Variants in CC2D2B observed in about 807,000 individuals in gnomAD.
CC2D2B encodes coiled-coil and C2 domain containing 2B.
Under a neutral mutation model 161.2 loss-of-function variants are expected in CC2D2B, and 128 were observed. The ratio of observed to expected loss-of-function variants is 0.79; its 90% CI spans 0.69 to 0.92. CC2D2B has a LOEUF of 0.92. Among genes scored for constraint, CC2D2B ranks in the 40% least tolerant of loss-of-function variants. The pLI is 0.00. For synonymous variants in CC2D2B, 391 were observed against 449.8 expected, an observed-to-expected ratio of 0.87 and a Z score of 1.65; for missense variants, 1,173 against 1,375.1, an observed-to-expected ratio of 0.85 and a Z score of 2.32.
chr10:96,025,173 ATAT>A lies in CC2D2B; in HGVS notation c.3947+263_3947+265del, dbSNP rs1564683889. Among the ~76,000 whole-genome samples the A allele has an allele frequency of 3.6e-3, 100 of 27,448 alleles. 3 individuals are homozygous for A. The highest frequency in any genetic ancestry group is 0.019 in the Middle Eastern group (1 of 54). 18.0% of individuals were successfully genotyped at this position (27,448 alleles called of 152,430 possible). On this transcript the variant is annotated intron_variant, in intron 33 of 34. Coordinates refer to ENST00000646931, the MANE Select transcript of CC2D2B (RefSeq NM_001349008.3). ...AAAAAAAATATATATATATATATAT[ATAT>A]ATATATATAAAAAAAAATATATATA...
chr10:95,961,201 C>A (rs1159791145), intron 11 of CC2D2B, among the ~76,000 whole-genome samples: 1 of 152,136 alleles, frequency 6.6e-6, no homozygotes, highest in Non-Finnish European at 1.5e-5. Context: ...CTTTCTTCCA[C>A]CATTGCTCTT....
chr10:95,927,142 A>G (rs1174246393), intron 5 of CC2D2B, 95 bp from the exon 6 acceptor site: 1 of 647,654 alleles, frequency 1.5e-6, no homozygotes, highest in Non-Finnish European at 2.6e-6. Flanking sequence ...TGCTAGAGAG[A>G]TAACAATTAT....
chr10:95,944,257 CTAG>C (rs2076120867), intron 9 of CC2D2B, among the ~76,000 whole-genome samples: 1 of 152,110 alleles, frequency 6.6e-6, no homozygotes, highest in Non-Finnish European at 1.5e-5. Flanking sequence ...CCATGAGAGA[CTAG>C]CAATGTCTCT....
At chr10:96,021,238 A>G (rs1290923414) in intron 32 of CC2D2B, 1 of 152,254 alleles carries the variant, frequency 6.6e-6, no homozygotes, top group Non-Finnish European at 1.5e-5. Flanking sequence ...TGCCAATTCA[A>G]ACTTCTCAGT....
In CC2D2B at chr10:95,924,350, C is replaced by G; in HGVS notation, c.134C>G (p.Thr45Arg). 1 of 1,525,856 alleles carries G rather than the reference C, an allele frequency of 6.6e-7. No homozygotes were observed. The highest frequency in any genetic ancestry group is 1.4e-5 in the African/African-American group (1 of 71,678). 94.5% of individuals were successfully genotyped at this position (1,525,856 alleles called of 1,614,324 possible). A position where few individuals can be genotyped will look rare whatever the true frequency, so the allele number is the denominator to read the frequency against. The change falls in exon 4 of 35, where the codon ACA (threonine) becomes AGA (arginine). Residue 45 changes from threonine to arginine, a missense_variant. By Grantham distance (71) the Thr-to-Arg change is moderately conservative (BLOSUM62 -1). Transcript: ENST00000646931. ...DAEENQNVAK[T>R]LRGKVREKLK... The stretch of plus-strand genomic sequence containing the variant: ...GAAGAAAATCAAAATGTAGCAAAGA[C>G]ATTGAGAGGCAAAGTGAGAGAAAAG...
chr10:95,974,596 G>A (rs1305160160), intron 17 of CC2D2B, among the ~76,000 whole-genome samples: 3 of 152,150 alleles, frequency 2.0e-5, no homozygotes, highest in Non-Finnish European at 4.4e-5. Flanking sequence ...CTATGAAAAT[G>A]ATGATAATGC....
At chr10:95,972,557 G>A (rs771722607) in intron 16 of CC2D2B, among the ~76,000 whole-genome samples, 3 of 152,018 alleles carry the variant, frequency 2.0e-5, no homozygotes, top group Non-Finnish European at 4.4e-5. Flanking sequence ...CAGGTGATCC[G>A]CCCCCCTCAG....
chr10:96,027,338 T>G lies in CC2D2B; in HGVS notation c.4074T>G (p.Phe1358Leu), dbSNP rs1024672948. Residue 1358 changes from phenylalanine (F) to leucine (L), a missense_variant, in exon 34 of 35, where the codon TTT becomes TTG. Transcript: ENST00000646931. ...AGCTGGAATTTGGCATAGGAAGCTT[T>G]GTTTCATCTGAAGGAGATAATGAAT... ...LPKLEFGIGSFVSSEGDNEFE... is the reference protein window; with the variant it reads ...LPKLEFGIGSLVSSEGDNEFE... 3.9e-6 allele frequency: 6 copies of G among 1,551,024 alleles called. No homozygotes were observed. Among genetic ancestry groups the G allele is most frequent in the Non-Finnish European group, 5.2e-6 (6 of 1,146,716 alleles).
intron 24 of CC2D2B, chr10:95,999,865 T>G (rs1380491136): frequency 6.1e-6 from 3 of 489,716 alleles, no homozygotes; most frequent in African/African-American, 5.9e-5. Flanking sequence ...TGAAGCAGGC[T>G]GGCACTTCAG....
At chr10:95,957,054 GTCAATGTCAGCTC>G (rs2076590290) in intron 11 of CC2D2B, among the ~76,000 whole-genome samples, 1 of 152,058 alleles carries the variant, frequency 6.6e-6, no homozygotes. Flanking sequence ...GTTAATTTTG[GTCAATGTCAGCTC>G]TTAGCACAGT....
Position 95,927,353 on chromosome 10 carries a change from T to C in CC2D2B, c.336+21T>C, listed in dbSNP as rs779741086. 5.6e-6 allele frequency: 7 copies of C among 1,253,966 alleles called. No individual in the cohort carries two copies. The African/African-American group carries it at 1.0e-4, about 19-fold the overall frequency. 77.7% of individuals were successfully genotyped at this position (1,253,966 alleles called of 1,614,324 possible). A position where few individuals can be genotyped will look rare whatever the true frequency, so the allele number is the denominator to read the frequency against. On this transcript the variant is annotated intron_variant, in intron 6 of 34. Transcript: ENST00000646931. ...AGCAGGTTGGATTTGTTTGCCTCCC[T>C]CCCACCATCTCACTCTCAGGAAAAA...
chr10:95,920,086 G>T (rs1455762646), intron 2 of CC2D2B: 1 of 152,082 alleles, frequency 6.6e-6, no homozygotes, highest in African/African-American at 2.4e-5. Context: ...CCCAGGATGG[G>T]TCTAGAAATG....
At chr10:95,952,155 A>G (rs2076422879) in intron 10 of CC2D2B, among the ~76,000 whole-genome samples, 3 of 152,212 alleles carry the variant, frequency 2.0e-5, no homozygotes, top group Admixed American at 2.0e-4. Flanking sequence ...TTTCAAACCA[A>G]TTCAGAGTAG....
At chr10:95,928,517 G>T (rs193275634) in intron 6 of CC2D2B, among the ~76,000 whole-genome samples, 1 of 152,068 alleles carries the variant, frequency 6.6e-6, no homozygotes, top group Non-Finnish European at 1.5e-5. Flanking sequence ...CCATCAACCC[G>T]TCATCTACAT....
At chr10:95,990,419 G>A (rs1472450679) in intron 20 of CC2D2B, among the ~76,000 whole-genome samples, 1 of 152,112 alleles carries the variant, frequency 6.6e-6, no homozygotes, top group Non-Finnish European at 1.5e-5. Context: ...GGAACCCAGC[G>A]TAGAAAACTT....
Position 96,015,588 on chromosome 10 carries a change from C to T in CC2D2B, c.3517-613C>T, listed in dbSNP as rs146089785. 9.2e-3 allele frequency among the ~76,000 whole-genome samples: 1,403 copies of T among 152,092 alleles called. 16 individuals are homozygous for T. Among genetic ancestry groups the T allele is most frequent in the Non-Finnish European group, 0.011 (750 of 67,982 alleles). ...TAGACTAGAACTAAGTCATAGACCA[C>T]CAGTTGGCTACTTCTGCTATACTTT... On this transcript the variant is annotated intron_variant, in intron 29 of 34. Transcript: ENST00000646931.
At chr10:95,927,205 T>G (rs1313574737) in intron 5 of CC2D2B, 32 bp from the exon 6 acceptor site, 1 of 1,249,772 alleles carries the variant, frequency 8.0e-7, no homozygotes, top group Admixed American at 2.1e-5. Flanking sequence ...GAAAAAGTGT[T>G]TATTTCAACA....
At position 95,957,629 on chromosome 10, in the gene CC2D2B, C is replaced by T. The variant is rs143832869; in HGVS notation, c.1109+2138C>T. ...AGGCTAGAGTGCAGTGACACAATCT[C>T]GGCTCACTGCGACCTTCACTTCCCA... On this transcript the variant is annotated intron_variant, in intron 11 of 34. Coordinates refer to ENST00000646931, the MANE Select transcript of CC2D2B (RefSeq NM_001349008.3). Among the ~76,000 whole-genome samples the T allele has an allele frequency of 3.5e-4, 48 of 137,468 alleles. No individual in the cohort carries two copies. The Admixed American group carries it at 3.5e-3, about 10-fold the overall frequency. 90.2% of individuals were successfully genotyped at this position (137,468 alleles called of 152,430 possible). A position where few individuals can be genotyped will look rare whatever the true frequency, so the allele number is the denominator to read the frequency against.
chr10:95,924,713 T>C, intron 4 of CC2D2B, 66 bp from the exon 5 acceptor site: 1 of 1,043,334 alleles, frequency 9.6e-7, no homozygotes, highest in Non-Finnish European at 1.4e-6. Context: ...TTATAAATTT[T>C]GGACAAAAGA....
Sources: allele counts gnomAD v4.1 joint callset (sites outside exome capture counted in the v4.1 genomes callset), GRCh38; gene constraint gnomAD v4.1.1; transcripts MANE v1.5; gene names NCBI Gene and HGNC (gene_info 2026-07-23, HGNC 2026-07-21).